PCDHAC2: variants seen among roughly 807,000 people sequenced by gnomAD.
PCDHAC2 encodes protocadherin alpha-C2.
A neutral mutation model predicts 63.3 loss-of-function variants in PCDHAC2; 24 were observed. The observed-to-expected ratio is 0.38, with a 90% CI of 0.27 to 0.53. The LOEUF is 0.53. Among genes scored for constraint, PCDHAC2 ranks in the 20% least tolerant of loss-of-function variants. PCDHAC2 has a pLI of 0.81. For synonymous variants in PCDHAC2, 569 were observed against 529.4 expected, an observed-to-expected ratio of 1.07 and a Z score of -1.03; for missense variants, 1,181 against 1,275.2, an observed-to-expected ratio of 0.93 and a Z score of 1.12.
chr5:141,002,047 C>A (rs1449885583), intron 3 of PCDHAC2, among the ~76,000 whole-genome samples: 2 of 152,202 alleles, frequency 1.3e-5, no homozygotes, highest in Non-Finnish European at 2.9e-5. Flanking sequence ...TCCTGGGCAT[C>A]CAGAGGCAGC....
At chr5:140,985,690 C>G (rs752184454) in intron 3 of PCDHAC2, among the ~76,000 whole-genome samples, 1 of 151,742 alleles carries the variant, frequency 6.6e-6, no homozygotes, top group Admixed American at 6.6e-5. Flanking sequence ...TACGCTAATC[C>G]TCGTTCATAT....
chr5:140,982,612 C>T, intron 3 of PCDHAC2, 49 bp downstream of exon 3: 2 of 1,599,360 alleles, frequency 1.3e-6, no homozygotes, highest in Non-Finnish European at 1.7e-6. Context: ...GGAAAGTGAT[C>T]AGATGACCTA....
At chr5:140,975,963 A>G (rs2096691903) in intron 1 of PCDHAC2, among the ~76,000 whole-genome samples, 1 of 152,186 alleles carries the variant, frequency 6.6e-6, no homozygotes, top group Non-Finnish European at 1.5e-5. Flanking sequence ...TTCTTCACCA[A>G]TAGAAAGTAA....
At chr5:140,988,468 A>G (rs1184589294) in intron 3 of PCDHAC2, among the ~76,000 whole-genome samples, 1 of 152,186 alleles carries the variant, frequency 6.6e-6, no homozygotes, top group African/African-American at 2.4e-5. Flanking sequence ...GGGTGTGGGA[A>G]GGGGAATTAG....
At position 140,968,166 on chromosome 5, in the gene PCDHAC2, C is replaced by G. The variant is rs782037307; in HGVS notation, c.1400C>G (p.Pro467Arg). Reference protein sequence around the residue: ...VEISDINDNPPSFLEDSYSIY... With the variant: ...VEISDINDNPRSFLEDSYSIY... ...ATCTCTGACATCAATGACAATCCACCAAGCTTCCTGGAGGACTCCTATTCC... is the reference window on the plus strand; with the variant it reads ...ATCTCTGACATCAATGACAATCCACGAAGCTTCCTGGAGGACTCCTATTCC... Residue 467 changes from proline (P) to arginine (R), a missense_variant, in exon 1 of 4, where the codon CCA (proline) becomes CGA (arginine). Pro to Arg is a moderately radical substitution (Grantham distance 103, BLOSUM62 -2). This residue lies in a region of PCDHAC2 where 968 missense variants were observed against 1,073.5 expected (regional missense o/e 0.90). Coordinates refer to ENST00000289269, the MANE Select transcript of PCDHAC2 (RefSeq NM_018899.6). 6.2e-7 allele frequency: 1 copy of G among 1,614,004 alleles called. No individual in the cohort carries two copies. The highest frequency in any genetic ancestry group is 8.5e-7 in the Non-Finnish European group (1 of 1,180,042).
rs2096504149 is a variant in PCDHAC2 at position 140,971,885 on chromosome 5, T to G, written c.2565+2554T>G. Among the ~76,000 whole-genome samples the G allele has an allele frequency of 2.0e-5, 3 of 152,134 alleles. No individual in the cohort carries two copies. In the South Asian group the frequency reaches 6.2e-4, roughly 31 times the overall value. ...ACATCTAGCATATGAGGAAATAAGC[T>G]CAGGGAGGTTAGGTAATCTACACAG... On this transcript the variant is annotated intron_variant, in intron 1 of 3. Coordinates refer to ENST00000289269, the MANE Select transcript of PCDHAC2 (RefSeq NM_018899.6).
chr5:141,009,833 G>A lies in PCDHAC2; in HGVS notation c.2920G>A (p.Gly974Ser), dbSNP rs782642898. The A allele has an allele frequency of 8.7e-6, 14 of 1,613,366 alleles. No homozygotes were observed. The highest frequency in any genetic ancestry group is 2.7e-5 in the African/African-American group (2 of 74,746). ...TGACAAAAGTGACTTCATAACCTTC[G>A]GCAAAAAGGAGGAGACCAAGAAAAA... ...QIDKSDFITF[G>S]KKEETKKKKK... Residue 974 changes from glycine (G) to serine (S), a missense_variant, in exon 4 of 4, where the codon GGC (glycine) becomes AGC (serine). Physicochemically the swap from Gly to Ser is moderately conservative, Grantham distance 56 (BLOSUM62 0). Around this residue, in one of 3 missense-constraint regions of PCDHAC2, gnomAD observed 968 missense variants for 1,073.5 expected, o/e 0.90. Coordinates refer to ENST00000289269, the MANE Select transcript of PCDHAC2 (RefSeq NM_018899.6).
rs1389339011 is a variant in PCDHAC2 at position 140,968,473 on chromosome 5, G to T, written c.1707G>T (p.Val569=). 6.2e-7 allele frequency: 1 copy of T among 1,613,980 alleles called. No individual in the cohort carries two copies. Among genetic ancestry groups the T allele is most frequent in the African/African-American group, 1.3e-5 (1 of 74,914 alleles). The stretch of plus-strand genomic sequence containing the variant: ...GCACTGTGACTGCCAACGTATATGT[G>T]GTGGACATGAATGACCATGCCCCTC... ...LSSTVTANVY[V]VDMNDHAPHI... Residue 569 remains valine (V), a synonymous_variant, in exon 1 of 4, where the codon GTG becomes GTT. Transcript: ENST00000289269.
At chr5:140,975,313 T>C (rs2096662091) in intron 1 of PCDHAC2, among the ~76,000 whole-genome samples, 1 of 152,224 alleles carries the variant, frequency 6.6e-6, no homozygotes, top group African/African-American at 2.4e-5. Flanking sequence ...TGTGATTATG[T>C]CAGTCCCATC....
At chr5:140,985,047 C>T (rs1417890181) in intron 3 of PCDHAC2, among the ~76,000 whole-genome samples, 5 of 152,076 alleles carry the variant, frequency 3.3e-5, no homozygotes, top group African/African-American at 9.7e-5. Context: ...AAGTGATTCT[C>T]CTGCCTCAGC....
At chr5:140,995,235 A>G (rs1313042272) in intron 3 of PCDHAC2, among the ~76,000 whole-genome samples, 1 of 152,188 alleles carries the variant, frequency 6.6e-6, no homozygotes, top group Non-Finnish European at 1.5e-5. Flanking sequence ...TGGGGCCAGT[A>G]TTAAGTAAAA....
Position 141,009,798 on chromosome 5 carries a change from A to G in PCDHAC2, c.2885A>G (p.Asn962Ser). Residue 962 changes from asparagine (N) to serine (S), a missense_variant, in exon 4 of 4, where the codon AAC (asparagine) becomes AGC (serine). Physicochemically the swap from Asn to Ser is conservative, Grantham distance 46. Transcript: ENST00000289269. ...AIISIRQEPT[N>S]SQIDKSDFIT... The stretch of plus-strand genomic sequence containing the variant: ...ATCTCCATCCGGCAGGAGCCTACTA[A>G]CAGCCAAATTGACAAAAGTGACTTC... 2 of 1,614,116 alleles carry G rather than the reference A, an allele frequency of 1.2e-6. No homozygotes were observed. Among genetic ancestry groups the G allele is most frequent in the Non-Finnish European group, 1.7e-6 (2 of 1,180,014 alleles).
In PCDHAC2 at chr5:140,969,284, G is replaced by T. The variant is rs782449740; in HGVS notation, c.2518G>T (p.Ala840Ser). ...TCTCACAGGCCAAAGTGGTCAGAATGCTGGGAACCTGATTATTCTCAAAAA... is the reference window on the plus strand; with the variant it reads ...TCTCACAGGCCAAAGTGGTCAGAATTCTGGGAACCTGATTATTCTCAAAAA... Reference protein sequence around the residue: ...RNLTGQSGQNAGNLIILKNEA... With the variant: ...RNLTGQSGQNSGNLIILKNEA... The change falls in exon 1 of 4, where the codon GCT (alanine) becomes TCT (serine). Residue 840 changes from alanine (A) to serine (S), a missense_variant. Ala to Ser is a moderately conservative substitution (Grantham distance 99). Transcript: ENST00000289269. 1 of 1,614,216 alleles carries T rather than the reference G, an allele frequency of 6.2e-7. No homozygotes were observed. Among genetic ancestry groups the T allele is most frequent in the Non-Finnish European group, 8.5e-7 (1 of 1,180,038 alleles).
intron 3 of PCDHAC2, among the ~76,000 whole-genome samples, chr5:140,998,571 T>G (rs2097822082): frequency 1.0e-5 from 1 of 96,286 alleles, no homozygotes; most frequent in African/African-American, 3.7e-5. Flanking sequence ...GTAAATAAGT[T>G]TTTTTTTTTT....
chr5:140,967,136 C>CTT lies in PCDHAC2; in HGVS notation c.371_372insTT (p.Ala125TrpfsTer8), dbSNP rs1401459371. ...TCGCTGCCTGCTCAGCTTGGAAGTGCTGGCGCACAACCCCGTGGCGGTGAG... is the reference window on the plus strand; with the variant it reads ...TCGCTGCCTGCTCAGCTTGGAAGTGCTTTGGCGCACAACCCCGTGGCGGTGAG... On this transcript the variant is annotated frameshift_variant, in exon 1 of 4. Coordinates refer to ENST00000289269, the MANE Select transcript of PCDHAC2 (RefSeq NM_018899.6). LOFTEE classifies it high-confidence loss of function. The CTT allele has an allele frequency of 6.2e-7, 1 of 1,611,568 alleles. No homozygotes were observed. The highest frequency in any genetic ancestry group is 1.3e-5 in the African/African-American group (1 of 74,914).
In PCDHAC2 at chr5:140,966,690, G is replaced by T; in HGVS notation, c.-77G>T. 7.4e-7 allele frequency: 1 copy of T among 1,349,568 alleles called. No homozygotes were observed. The highest frequency in any genetic ancestry group is 9.5e-7 in the Non-Finnish European group (1 of 1,049,484). The allele number at this position is 1,349,568 out of a possible 1,614,324, so 83.6% of individuals were successfully genotyped here. A position where few individuals can be genotyped will look rare whatever the true frequency, so the allele number is the denominator to read the frequency against. On this transcript the variant is annotated 5_prime_UTR_variant, in exon 1 of 4. Transcript: ENST00000289269. ...GCGCAGGGTGGCACGAGCGGAGGCG[G>T]GGCCCGGGCGTGGGGCACGGCTGGG...
intron 3 of PCDHAC2, among the ~76,000 whole-genome samples, chr5:141,002,328 C>T (rs1421788305): frequency 3.3e-5 from 5 of 152,250 alleles, no homozygotes; most frequent in Admixed American, 6.5e-5. Flanking sequence ...GGCCGGGCTG[C>T]ATCCGCACCC....
At chr5:141,000,743 T>TAA (rs527867626) in intron 3 of PCDHAC2, among the ~76,000 whole-genome samples, 3 of 145,408 alleles carry the variant, frequency 2.1e-5, no homozygotes, top group Admixed American at 6.9e-5. Context: ...CTCTGTATAT[T>TAA]AAAAAAAAAA....
At chr5:141,003,870 C>A (rs1345140541) in intron 3 of PCDHAC2, among the ~76,000 whole-genome samples, 8 of 152,148 alleles carry the variant, frequency 5.3e-5, no homozygotes, top group Admixed American at 3.9e-4. Flanking sequence ...GTCTGAAATC[C>A]TCCTTCTAGC....
Sources: allele counts gnomAD v4.1 joint callset (sites outside exome capture counted in the v4.1 genomes callset), GRCh38; gene constraint gnomAD v4.1.1; regional missense constraint gnomAD v4.1.1; transcripts MANE v1.5; gene names NCBI Gene and HGNC (gene_info 2026-07-23, HGNC 2026-07-21).